Variants in UBXN11 observed in about 807,000 individuals in gnomAD.
The protein encoded by UBXN11 is UBX domain-containing protein 11.
In UBXN11, 47 loss-of-function variants were observed where a neutral mutation model predicts 62.8. The ratio of observed to expected loss-of-function variants is 0.75; its 90% CI spans 0.59 to 0.95. The LOEUF (loss-of-function observed/expected upper bound fraction) is 0.95. Ranked by LOEUF, UBXN11 falls within the 40% of genes least tolerant of loss-of-function variation. The pLI is 0.00. For missense variants in UBXN11, 638 were observed against 661.7 expected (o/e 0.96, Z 0.39); for synonymous variants, 294 against 267.0 (o/e 1.10, Z -0.99).
Position 26,282,479 on chromosome 1 carries a change from A to G in UBXN11, c.1383T>C (p.Leu461=), listed in dbSNP as rs760064266. The G allele has an allele frequency of 7.5e-6, 12 of 1,609,248 alleles. No homozygotes were observed. Among genetic ancestry groups the G allele is most frequent in the East Asian group, 6.7e-5 (3 of 44,536 alleles). ...GCAGCAGCAGTGCTGCTTTGGGCACAAGGCCTGCAGCCTGCAGCGTGAGTG... is the reference window on the plus strand; with the variant it reads ...GCAGCAGCAGTGCTGCTTTGGGCACGAGGCCTGCAGCCTGCAGCGTGAGTG... The part of the protein sequence containing the change: ...DDTLTLQAAG[L]VPKAALLLRA... Residue 461 remains leucine (L), a synonymous_variant, in exon 15 of 15, where the codon CTT becomes CTC. Coordinates refer to ENST00000374222, the MANE Select transcript of UBXN11 (RefSeq NM_001389556.1).
At chr1:26,295,815 G>A (rs2073378627) in intron 7 of UBXN11, among the ~76,000 whole-genome samples, 1 of 152,246 alleles carries the variant, frequency 6.6e-6, no homozygotes, top group South Asian at 2.1e-4. Flanking sequence ...GGGGGACTAT[G>A]TCTGTCTTGG....
chr1:26,306,837 G>A, upstream of UBXN11: 1 of 63,372 alleles, frequency 1.6e-5, no homozygotes, highest in Non-Finnish European at 3.5e-5. Context: ...GGTGGGGGGG[G>A]GGGGTGGTTC....
upstream of UBXN11, among the ~76,000 whole-genome samples, chr1:26,310,004 G>A (rs1377143352): frequency 6.6e-6 from 1 of 152,088 alleles, no homozygotes; most frequent in African/African-American, 2.4e-5. Flanking sequence ...TGTTGCCCAG[G>A]TTGGATTTGA....
intron 4 of UBXN11, among the ~76,000 whole-genome samples, chr1:26,299,511 CAA>C (rs71581050): frequency 1.9e-5 from 2 of 103,132 alleles, no homozygotes; most frequent in Admixed American, 1.1e-4. Flanking sequence ...AGGCAGTCTC[CAA>C]AAAAAAAAAA....
chr1:26,300,455 T>C (rs2073503673), intron 4 of UBXN11, among the ~76,000 whole-genome samples: 1 of 152,158 alleles, frequency 6.6e-6, no homozygotes, highest in South Asian at 2.1e-4. Flanking sequence ...ATGTCTCCCC[T>C]TTTCTCAGAC....
At chr1:26,302,992 C>T in intron 1 of UBXN11, 74 bp from the exon 2 acceptor site, 1 of 1,018,372 alleles carries the variant, frequency 9.8e-7, no homozygotes. Flanking sequence ...CTGAAGTTTC[C>T]ACTTCCCTGG....
intron 1 of UBXN11, among the ~76,000 whole-genome samples, chr1:26,313,433 C>A (rs1033537879): frequency 6.6e-6 from 1 of 152,178 alleles, no homozygotes; most frequent in Non-Finnish European, 1.5e-5. Context: ...ACTTCTTCTT[C>A]TTCTCACATT....
intron 12 of UBXN11, among the ~76,000 whole-genome samples, chr1:26,283,526 C>G (rs1290130989): frequency 3.9e-5 from 6 of 152,226 alleles, no homozygotes; most frequent in South Asian, 2.1e-4. Flanking sequence ...AACATTTCAA[C>G]AGGGAAGGCA....
intron 1 of UBXN11, among the ~76,000 whole-genome samples, chr1:26,313,782 C>CTT (rs56037016): frequency 0.018 from 2,230 of 125,878 alleles, 50 homozygotes; most frequent in African/African-American, 0.058. Context: ...AATTTTTTTT[C>CTT]TTTTTTTTTT....
At chr1:26,286,575 G>T (rs986025454) in intron 8 of UBXN11, among the ~76,000 whole-genome samples, 6 of 140,344 alleles carry the variant, frequency 4.3e-5, no homozygotes, top group African/African-American at 1.4e-4. Flanking sequence ...TGGCTGTAAG[G>T]CTCCAAGAAG....
chr1:26,308,033 G>T (rs76398760), upstream of UBXN11, among the ~76,000 whole-genome samples: 3 of 152,156 alleles, frequency 2.0e-5, no homozygotes, highest in Admixed American at 2.0e-4. Context: ...TTGGGAGGCT[G>T]AGGCAGGCGG....
At chr1:26,296,685 G>A (rs962750434) in intron 7 of UBXN11, among the ~76,000 whole-genome samples, 1 of 152,312 alleles carries the variant, frequency 6.6e-6, no homozygotes, top group East Asian at 1.9e-4. Flanking sequence ...GCTAAGCAGG[G>A]GAGAGGCATG....
At chr1:26,308,182 G>C (rs1273759658), upstream of UBXN11, among the ~76,000 whole-genome samples, 1 of 150,774 alleles carries the variant, frequency 6.6e-6, no homozygotes, top group African/African-American at 2.4e-5. Context: ...CAGGAGAATC[G>C]CTTGAACCTG....
Position 26,284,418 on chromosome 1 carries a change from C to G in UBXN11, c.917G>C (p.Arg306Pro). 2 of 1,613,832 alleles carry G rather than the reference C, an allele frequency of 1.2e-6. No homozygotes were observed. The highest frequency in any genetic ancestry group is 1.7e-6 in the Non-Finnish European group (2 of 1,179,824). The stretch of plus-strand genomic sequence containing the variant: ...GTGCATCAGCTGCCTGCCCACCACA[C>G]GGCCCTCGCCTGGGAAGGGGTCCAG... ...DGLDPFPGEGRVVGRQLMHKA... is the reference protein window; with the variant it reads ...DGLDPFPGEGPVVGRQLMHKA... Residue 306 changes from arginine (R) to proline (P), a missense_variant, in exon 11 of 15, where the codon CGT (arginine) becomes CCT (proline). Transcript: ENST00000374222.
rs369012932 is a variant in UBXN11 at position 26,318,060 on chromosome 1, G to C, written c.-162C>G. 1.2e-6 allele frequency: 2 copies of C among 1,614,100 alleles called. No homozygotes were observed. Among genetic ancestry groups the C allele is most frequent in the African/African-American group, 2.7e-5 (2 of 75,050 alleles). On this transcript the variant is annotated 5_prime_UTR_variant, in exon 1 of 15. Coordinates refer to the UBXN11 transcript ENST00000374217. ...CCTCCTACTCACCATCAGCCTCCTG[G>C]TTATGGTACAGGTAAGAGCAACGCC...
chr1:26,285,794 A>C (rs1489296961), intron 9 of UBXN11, 29 bp downstream of exon 9: 1 of 1,569,884 alleles, frequency 6.4e-7, no homozygotes, highest in Non-Finnish European at 8.7e-7. Flanking sequence ...GGGGCACTAG[A>C]GCACCACCCC....
chr1:26,312,587 G>T (rs1405939871), intron 1 of UBXN11, among the ~76,000 whole-genome samples: 1 of 151,836 alleles, frequency 6.6e-6, no homozygotes. Context: ...TGTGATTTTC[G>T]TATGGGTCTC....
Position 26,282,458 on chromosome 1 carries a change from C to T in UBXN11, c.1404G>A (p.Leu468=), listed in dbSNP as rs1260288535. The T allele has an allele frequency of 2.5e-6, 4 of 1,606,996 alleles. No homozygotes were observed. In the South Asian group the frequency reaches 3.3e-5, roughly 13 times the overall value. The change falls in exon 15 of 15, where the codon CTG becomes CTA. Residue 468 remains leucine (L), a synonymous_variant. Transcript: ENST00000374222. ...AAGLVPKAAL[L]LRARRAPKSS... is the part of the protein sequence containing the mutation. ...ACTTCGGGGCTCGGCGTGCCCGCAGCAGCAGTGCTGCTTTGGGCACAAGGC... is the reference window on the plus strand; with the variant it reads ...ACTTCGGGGCTCGGCGTGCCCGCAGTAGCAGTGCTGCTTTGGGCACAAGGC...
In UBXN11 at chr1:26,301,185, G is replaced by A. The variant is rs532551372; in HGVS notation, c.101-161C>T. 4.3e-6 allele frequency: 6 copies of A among 1,393,564 alleles called. No individual in the cohort carries two copies. The East Asian group carries it at 9.9e-5, about 23-fold the overall frequency. The allele number at this position is 1,393,564 out of a possible 1,614,324, so 86.3% of individuals were successfully genotyped here. ...GGGAGCAAGGATCCAACCAGAATGGGGCTGTTTTGGAGTTCTTCCAGTCCT... is the reference window on the plus strand; with the variant it reads ...GGGAGCAAGGATCCAACCAGAATGGAGCTGTTTTGGAGTTCTTCCAGTCCT... On this transcript the variant is annotated intron_variant, in intron 3 of 14. Transcript: ENST00000374222.
Sources: allele counts gnomAD v4.1 joint callset (sites outside exome capture counted in the v4.1 genomes callset), GRCh38; gene constraint gnomAD v4.1.1; transcripts MANE v1.5; gene names NCBI Gene and HGNC (gene_info 2026-07-23, HGNC 2026-07-21).